CRADD: variants seen among roughly 807,000 people sequenced by gnomAD.
CRADD encodes the protein death domain-containing protein CRADD.
A neutral mutation model predicts 15.5 loss-of-function variants in CRADD; 9 were observed. The ratio of observed to expected loss-of-function variants is 0.58; its 90% CI spans 0.35 to 1.01. The LOEUF is 1.01. CRADD is among the 50% of genes least tolerant of loss of function. The pLI is 0.02. For missense variants in CRADD, 227 were observed against 250.3 expected, an observed-to-expected ratio of 0.91 and a Z score of 0.63; for synonymous variants, 118 against 107.6, an observed-to-expected ratio of 1.10 and a Z score of -0.60.
rs141621079 is a variant in CRADD at position 93,883,581 on chromosome 12, G to A, written c.299-10469G>A. ...TCCTGTAATCCCAGCACTTTAGAAG[G>A]CCAAGGTGGGAGGATCACTTGAGGC... is the stretch of plus-strand genomic sequence containing the variant. On this transcript the variant is annotated intron_variant, in intron 2 of 2. Coordinates refer to the CRADD transcript ENST00000548483. Among the ~76,000 whole-genome samples the A allele has an allele frequency of 1.5e-3, 226 of 152,226 alleles. 2 individuals carry two copies. The highest frequency in any genetic ancestry group is 5.2e-3 in the African/African-American group (216 of 41,538).
At chr12:93,845,404 C>T (rs917279198) in intron 2 of CRADD, among the ~76,000 whole-genome samples, 1 of 152,082 alleles carries the variant, frequency 6.6e-6, no homozygotes, top group Non-Finnish European at 1.5e-5. Flanking sequence ...CTGTGAAATG[C>T]TGCAGCAGAG....
intron 2 of CRADD, among the ~76,000 whole-genome samples, chr12:93,736,343 T>C (rs1956568594): frequency 6.6e-6 from 1 of 152,326 alleles, no homozygotes; most frequent in Non-Finnish European, 1.5e-5. Flanking sequence ...GGTCAGCCTA[T>C]TACTAGAAAA....
intron 2 of CRADD, among the ~76,000 whole-genome samples, chr12:93,713,000 C>T (rs1246447059): frequency 6.6e-6 from 1 of 151,990 alleles, no homozygotes; most frequent in African/African-American, 2.4e-5. Context: ...AATCTGGGAC[C>T]ATAGAGCTGC....
intron 2 of CRADD, among the ~76,000 whole-genome samples, chr12:93,688,251 C>T (rs940361580): frequency 6.6e-6 from 1 of 152,142 alleles, no homozygotes; most frequent in Non-Finnish European, 1.5e-5. Context: ...CCTGTTAATT[C>T]CAACAGTTTG....
chr12:93,821,973 C>T (rs1189746554), intron 2 of CRADD, among the ~76,000 whole-genome samples: 1 of 152,054 alleles, frequency 6.6e-6, no homozygotes, highest in South Asian at 2.1e-4. Flanking sequence ...CAAAAATTAG[C>T]CAGGTGTGGT....
At chr12:93,778,216 G>A (rs921457046) in intron 2 of CRADD, among the ~76,000 whole-genome samples, 4 of 152,138 alleles carry the variant, frequency 2.6e-5, no homozygotes, top group African/African-American at 7.2e-5. Flanking sequence ...GTCTTTGTGC[G>A]TGATTAGGAC....
intron 2 of CRADD, among the ~76,000 whole-genome samples, chr12:93,861,645 A>G (rs962654399): frequency 5.3e-5 from 8 of 152,158 alleles, no homozygotes; most frequent in Non-Finnish European, 1.0e-4. Context: ...GAGTCCGCTC[A>G]GGCCTTCCTT....
At chr12:93,856,205 G>C (rs959326963) in intron 2 of CRADD, among the ~76,000 whole-genome samples, 1 of 152,194 alleles carries the variant, frequency 6.6e-6, no homozygotes, top group African/African-American at 2.4e-5. Flanking sequence ...AAACTGCATA[G>C]TCCCTCAATA....
At chr12:93,804,591 C>T (rs1163205619) in intron 2 of CRADD, among the ~76,000 whole-genome samples, 4 of 152,128 alleles carry the variant, frequency 2.6e-5, no homozygotes, top group African/African-American at 9.7e-5. Context: ...CTGCTGAACA[C>T]TGTGGTCAGG....
At chr12:93,852,519 G>A (rs1958235653), downstream of CRADD, among the ~76,000 whole-genome samples, 1 of 152,230 alleles carries the variant, frequency 6.6e-6, no homozygotes, top group Admixed American at 6.5e-5. Flanking sequence ...CCAAATGGCG[G>A]CAGCCCCTCC....
intron 2 of CRADD, among the ~76,000 whole-genome samples, chr12:93,798,557 C>T (rs1227702240): frequency 6.6e-6 from 1 of 152,144 alleles, no homozygotes; most frequent in Non-Finnish European, 1.5e-5. Flanking sequence ...GTGACTTACT[C>T]AAAGTCACAG....
At chr12:93,813,234 G>A (rs1190236206) in intron 2 of CRADD, among the ~76,000 whole-genome samples, 1 of 152,162 alleles carries the variant, frequency 6.6e-6, no homozygotes, top group East Asian at 1.9e-4. Context: ...ATCTAGCCAT[G>A]TAAAAACTCC....
At chr12:93,868,202 A>G (rs1298908801) in intron 2 of CRADD, among the ~76,000 whole-genome samples, 4 of 152,222 alleles carry the variant, frequency 2.6e-5, no homozygotes, top group East Asian at 1.9e-4. Context: ...AAGGATGTTC[A>G]TTGCATCATT....
At chr12:93,802,617 G>A (rs1050418175) in intron 2 of CRADD, among the ~76,000 whole-genome samples, 3 of 152,322 alleles carry the variant, frequency 2.0e-5, no homozygotes, top group Admixed American at 6.5e-5. Context: ...CTGTTCTGCA[G>A]GTAAATGTAT....
chr12:93,772,823 C>T (rs1323896833), intron 2 of CRADD, among the ~76,000 whole-genome samples: 1 of 152,178 alleles, frequency 6.6e-6, no homozygotes, highest in Non-Finnish European at 1.5e-5. Flanking sequence ...GCTAGGCCTG[C>T]TGATCGTGCC....
intron 2 of CRADD, among the ~76,000 whole-genome samples, chr12:93,730,282 A>T (rs1014103135): frequency 3.3e-5 from 5 of 152,226 alleles, no homozygotes; most frequent in Non-Finnish European, 5.9e-5. Context: ...TATAACACGG[A>T]CCTACTGCTC....
chr12:93,779,965 AG>A (rs1453201214), intron 2 of CRADD, among the ~76,000 whole-genome samples: 1 of 152,220 alleles, frequency 6.6e-6, no homozygotes, highest in Non-Finnish European at 1.5e-5. Flanking sequence ...TTGAAAGACA[AG>A]CACATGATCA....
chr12:93,889,183 TTG>T (rs1958558497), intron 2 of CRADD, among the ~76,000 whole-genome samples: 1 of 152,204 alleles, frequency 6.6e-6, no homozygotes, highest in South Asian at 2.1e-4. Context: ...TGGTTTGTGC[TTG>T]TCGGACCATA....
At chr12:93,711,055 C>CCCCCCCCCCTT in intron 2 of CRADD, among the ~76,000 whole-genome samples, 3 of 43,506 alleles carry the variant, frequency 6.9e-5, no homozygotes, top group Non-Finnish European at 1.3e-4. Context: ...CCACCCCCGC[C>CCCCCCCCCCTT]TTTTTTTTTT....
Sources: gnomAD v4.1 joint callset for allele counts (sites outside exome capture counted in the v4.1 genomes callset) on GRCh38, gnomAD v4.1.1 for gene constraint, MANE v1.5 for transcripts, NCBI Gene and HGNC (gene_info 2026-07-23, HGNC 2026-07-21) for gene names.